OTOP1: variants seen among roughly 807,000 people sequenced by gnomAD.
OTOP1 encodes the protein otopetrin 1.
A neutral mutation model predicts 52.9 loss-of-function variants in OTOP1; 59 were observed. That is an observed-to-expected ratio of 1.12 (90% CI 0.91 to 1.39). The LOEUF (loss-of-function observed/expected upper bound fraction) is 1.39, where lower values mean the gene tolerates loss of function less well. OTOP1 is among the 40% of genes most tolerant of loss of function. The pLI is 0.00. For synonymous variants in OTOP1, 317 were observed against 337.7 expected, an observed-to-expected ratio of 0.94 and a Z score of 0.67; for missense variants, 761 against 800.9, an observed-to-expected ratio of 0.95 and a Z score of 0.60.
chr4:4,198,684 G>A (rs184752476), intron 4 of OTOP1, among the ~76,000 whole-genome samples: 2 of 152,132 alleles, frequency 1.3e-5, no homozygotes, highest in South Asian at 2.1e-4. Flanking sequence ...GGCGCCGTCC[G>A]ATATCGGTGC....
chr4:4,221,896 G>A (rs1717309679), intron 1 of OTOP1, among the ~76,000 whole-genome samples: 1 of 152,146 alleles, frequency 6.6e-6, no homozygotes, highest in Admixed American at 6.5e-5. Context: ...GACTACAGGT[G>A]TGAGCCACCA....
intron 5 of OTOP1, among the ~76,000 whole-genome samples, chr4:4,192,852 G>C (rs2916411): frequency 0.7 from 106,814 of 151,956 alleles, 37,941 homozygotes; most frequent in South Asian, 0.81. Flanking sequence ...AATTCCTAGA[G>C]ACTGAAAGAA....
At chr4:4,202,682 A>G in intron 3 of OTOP1, 104 bp from the exon 4 acceptor site, 7 of 1,458,708 alleles carry the variant, frequency 4.8e-6, no homozygotes, top group Non-Finnish European at 6.5e-6. Flanking sequence ...CTTCTCAGCC[A>G]TGATTCTGGT....
chr4:4,219,517 C>G (rs1384687585), intron 1 of OTOP1, among the ~76,000 whole-genome samples: 2 of 151,736 alleles, frequency 1.3e-5, no homozygotes, highest in East Asian at 1.9e-4. Flanking sequence ...CTGGCCAACA[C>G]GGTGAAACCC....
chr4:4,225,322 C>A (rs1717402649), intron 1 of OTOP1, among the ~76,000 whole-genome samples: 1 of 152,178 alleles, frequency 6.6e-6, no homozygotes. Flanking sequence ...GTGATCCCAG[C>A]ATTTTGGGAG....
intron 1 of OTOP1, among the ~76,000 whole-genome samples, chr4:4,216,781 C>T (rs1717162905): frequency 6.6e-6 from 1 of 152,198 alleles, no homozygotes; most frequent in Non-Finnish European, 1.5e-5. Flanking sequence ...AGGCATGAAA[C>T]TGTAGAGACC....
At chr4:4,201,153 G>A (rs1385516731) in intron 4 of OTOP1, among the ~76,000 whole-genome samples, 1 of 152,198 alleles carries the variant, frequency 6.6e-6, no homozygotes, top group African/African-American at 2.4e-5. Flanking sequence ...CTGAGGCCAG[G>A]CGCAGTGGCT....
rs200731235 is a variant in OTOP1 at position 4,197,865 on chromosome 4, G to A, written c.969C>T (p.Ala323=). ...ATACCACCACCACAGCAATGGTGGC[G>A]GCCAGCACGGTCAGGCCCAGGACTG... is the stretch of plus-strand genomic sequence containing the variant. The part of the protein sequence containing the change: ...VGAVLGLTVL[A]ATIAVVVVYL... The change falls in exon 5 of 6, where the codon GCC becomes GCT. Residue 323 remains alanine (A), a synonymous_variant. Coordinates refer to ENST00000296358, the MANE Select transcript of OTOP1 (RefSeq NM_177998.3). The A allele has an allele frequency of 2.3e-5, 37 of 1,613,990 alleles. No homozygotes were observed. Among genetic ancestry groups the A allele is most frequent in the East Asian group, 6.7e-5 (3 of 44,884 alleles).
At chr4:4,219,361 G>A (rs758819143) in intron 1 of OTOP1, among the ~76,000 whole-genome samples, 2 of 152,174 alleles carry the variant, frequency 1.3e-5, no homozygotes, top group Non-Finnish European at 2.9e-5. Context: ...TAAAGTTAAT[G>A]TAATAAGTAG....
chr4:4,219,999 ATACATATATATGT>A (rs1156476021), intron 1 of OTOP1, among the ~76,000 whole-genome samples: 1 of 55,004 alleles, frequency 1.8e-5, no homozygotes, highest in Non-Finnish European at 3.4e-5. Flanking sequence ...ATAGGTGTAT[ATACATATATATGT>A]ATATACATGT....
Position 4,198,018 on chromosome 4 carries a change from G to A in OTOP1, c.816C>T (p.Pro272=), listed in dbSNP as rs764634414. The A allele has an allele frequency of 3.7e-6, 6 of 1,613,996 alleles. No homozygotes were observed. The highest frequency in any genetic ancestry group is 1.1e-5 in the South Asian group (1 of 91,070). Residue 272 remains proline (P), a synonymous_variant, in exon 5 of 6, where the codon CCC becomes CCT. Coordinates refer to ENST00000296358, the MANE Select transcript of OTOP1 (RefSeq NM_177998.3). Reference sequence around the variant, plus strand: ...CCAGGATCTGATACTCTATGTTGAAGGGGTAGAGGTAGTAGATCCCGTGGG... The same window carrying A: ...CCAGGATCTGATACTCTATGTTGAAAGGGTAGAGGTAGTAGATCCCGTGGG... ...AISHGIYYLY[P]FNIEYQILAS...
rs1560205465 is a variant in OTOP1 at position 4,197,454 on chromosome 4, G to T, written c.1380C>A (p.Thr460=). Residue 460 remains threonine, a synonymous_variant, in exon 5 of 6, where the codon ACC becomes ACA. Coordinates refer to ENST00000296358, the MANE Select transcript of OTOP1 (RefSeq NM_177998.3). ...EPEKLSEDIQ[T]LRVVTVCNGN... is the part of the protein sequence containing the mutation. ...CATTGCAGACTGTGACCACCCGAAGGGTTTGGATGTCCTCAGAGAGTTTTT... is the reference window on the plus strand; with the variant it reads ...CATTGCAGACTGTGACCACCCGAAGTGTTTGGATGTCCTCAGAGAGTTTTT... 6.2e-7 allele frequency: 1 copy of T among 1,613,960 alleles called. No individual in the cohort carries two copies. Among genetic ancestry groups the T allele is most frequent in the Non-Finnish European group, 8.5e-7 (1 of 1,180,028 alleles).
intron 1 of OTOP1, among the ~76,000 whole-genome samples, chr4:4,216,285 A>T (rs1194402642): frequency 6.6e-6 from 1 of 152,226 alleles, no homozygotes; most frequent in Non-Finnish European, 1.5e-5. Context: ...GGAATATACA[A>T]AATACATTAA....
At chr4:4,189,114 T>G (rs982454972) in intron 5 of OTOP1, 141 bp from the exon 6 acceptor site, 20 of 704,262 alleles carry the variant, frequency 2.8e-5, no homozygotes, top group African/African-American at 1.3e-4. Flanking sequence ...TAAGGAGACC[T>G]CATGGCATTT....
chr4:4,200,920 G>A (rs1299363700), intron 4 of OTOP1, among the ~76,000 whole-genome samples: 3 of 152,134 alleles, frequency 2.0e-5, no homozygotes, highest in Non-Finnish European at 4.4e-5. Flanking sequence ...TTATGCAGAA[G>A]ACCAGGGAAG....
intron 5 of OTOP1, among the ~76,000 whole-genome samples, chr4:4,189,270 TTCC>T (rs772266024): frequency 3.6e-4 from 55 of 152,298 alleles, no homozygotes; most frequent in Admixed American, 7.8e-4. Flanking sequence ...CAGCCTCGGT[TTCC>T]TCATTTGAAA....
At chr4:4,213,507 T>C (rs1231111181) in intron 1 of OTOP1, among the ~76,000 whole-genome samples, 1 of 152,180 alleles carries the variant, frequency 6.6e-6, no homozygotes, top group East Asian at 1.9e-4. Flanking sequence ...AAGTCATTAA[T>C]ATCCACAATA....
chr4:4,209,995 C>T (rs1716989651), intron 2 of OTOP1, among the ~76,000 whole-genome samples: 1 of 152,176 alleles, frequency 6.6e-6, no homozygotes, highest in South Asian at 2.1e-4. Context: ...GACCCTCACC[C>T]CAAGCTGCCG....
intron 5 of OTOP1, among the ~76,000 whole-genome samples, chr4:4,191,540 C>T (rs529001171): frequency 1.1e-4 from 16 of 152,296 alleles, no homozygotes; most frequent in African/African-American, 3.8e-4. Flanking sequence ...GTTTCTCAAA[C>T]CAGAACCGCT....
Sources: gnomAD v4.1 joint callset for allele counts (sites outside exome capture counted in the v4.1 genomes callset) on GRCh38, gnomAD v4.1.1 for gene constraint, MANE v1.5 for transcripts, NCBI Gene and HGNC (gene_info 2026-07-23, HGNC 2026-07-21) for gene names.